The following STAB2 variants were observed in gnomAD, a reference collection of about 807,000 sequenced individuals.
The protein encoded by STAB2 is stabilin-2.
In STAB2, 288 loss-of-function variants were observed where a neutral mutation model predicts 338.1. The ratio of observed to expected loss-of-function variants is 0.85; its 90% CI spans 0.77 to 0.94. STAB2 has a LOEUF of 0.94. Ranked by LOEUF, STAB2 falls within the 40% of genes least tolerant of loss-of-function variation. The pLI is 0.00. For synonymous variants in STAB2, 1,202 were observed against 1,193.3 expected (o/e 1.01, Z -0.15); for missense variants, 3,141 against 3,210.1 (o/e 0.98, Z 0.52).
At position 103,689,494 on chromosome 12, in the gene STAB2, G is replaced by GA. The variant is rs11315983; in HGVS notation, c.3046-341dup. Among the ~76,000 whole-genome samples the GA allele has an allele frequency of 7.7e-3, 1,121 of 145,324 alleles. 9 individuals are homozygous for GA. Among genetic ancestry groups the GA allele is most frequent in the African/African-American group, 0.026 (1,030 of 39,038 alleles). Reference sequence around the variant, plus strand: ...TGAGACTCCATCTCAAAAAAAAAAAGAAAAAAAAAAATGAATGCTCAAGGT... The same window carrying GA: ...TGAGACTCCATCTCAAAAAAAAAAAGAAAAAAAAAAAATGAATGCTCAAGGT... On this transcript the variant is annotated intron_variant, in intron 28 of 68. Transcript: ENST00000388887.
chr12:103,658,485 T>A (rs572753356), intron 15 of STAB2, among the ~76,000 whole-genome samples: 1 of 152,292 alleles, frequency 6.6e-6, no homozygotes, highest in African/African-American at 2.4e-5. Context: ...TTCTGCTTCT[T>A]GTCAAAAGGA....
chr12:103,638,139 T>G lies in STAB2; in HGVS notation c.833T>G (p.Val278Gly). The change falls in exon 8 of 69, where the codon GTG becomes GGG. Residue 278 changes from valine to glycine, a missense_variant. By Grantham distance (109) the Val-to-Gly change is moderately radical. Coordinates refer to ENST00000388887, the MANE Select transcript of STAB2 (RefSeq NM_017564.10). ...GGGGATGGCCAAGTGTGCTTGCCTGTGGACCCCTGCCAAATTAACTTTGGA... is the reference window on the plus strand; with the variant it reads ...GGGGATGGCCAAGTGTGCTTGCCTGGGGACCCCTGCCAAATTAACTTTGGA... The part of the protein sequence containing the change: ...YRGDGQVCLP[V>G]DPCQINFGNC... The G allele has an allele frequency of 2.5e-6, 4 of 1,614,212 alleles. No individual in the cohort carries two copies. Among genetic ancestry groups the G allele is most frequent in the Non-Finnish European group, 3.4e-6 (4 of 1,180,030 alleles).
chr12:103,764,814 C>T (rs925997565), intron 68 of STAB2, among the ~76,000 whole-genome samples: 2 of 151,892 alleles, frequency 1.3e-5, no homozygotes, highest in Admixed American at 6.6e-5. Flanking sequence ...AGGGTAAGTT[C>T]GGGCCGGGTG....
At chr12:103,695,940 A>T in intron 33 of STAB2, 96 bp downstream of exon 33, 1 of 1,146,646 alleles carries the variant, frequency 8.7e-7, no homozygotes, top group Non-Finnish European at 1.3e-6. Context: ...TCACTCCTTC[A>T]TCCTTGTCCA....
At chr12:103,724,693 G>A (rs542328638) in intron 44 of STAB2, among the ~76,000 whole-genome samples, 2 of 152,160 alleles carry the variant, frequency 1.3e-5, no homozygotes. Flanking sequence ...ATACCTGGAT[G>A]CTGAGAAATT....
In STAB2 at chr12:103,742,086, T is replaced by C. The variant is rs746323258; in HGVS notation, c.5882-319T>C. ...GGTCAAGCAGACACTGTATCATCAT[T>C]ATTATCATCATCATTTAGATCTAAG... is the stretch of plus-strand genomic sequence containing the variant. On this transcript the variant is annotated intron_variant, in intron 55 of 68. Transcript: ENST00000388887. Among the ~76,000 whole-genome samples, 16 of 149,716 alleles carry C rather than the reference T, an allele frequency of 1.1e-4. 1 individual carries two copies. Among genetic ancestry groups the C allele is most frequent in the East Asian group, 1.9e-4 (1 of 5,200 alleles).
At chr12:103,633,155 G>C (rs831685) in intron 6 of STAB2, among the ~76,000 whole-genome samples, 1 of 152,114 alleles carries the variant, frequency 6.6e-6, no homozygotes, top group Non-Finnish European at 1.5e-5. Context: ...ACTCCTGCCA[G>C]TGTGCAGTGG....
At chr12:103,713,443 C>T (rs1880043146) in intron 41 of STAB2, among the ~76,000 whole-genome samples, 200 bp from the exon 42 acceptor site, 2 of 152,162 alleles carry the variant, frequency 1.3e-5, no homozygotes, top group African/African-American at 4.8e-5. Flanking sequence ...AGGATGTGTA[C>T]AGAATGCTAA....
At chr12:103,679,049 C>T (rs771800204) in intron 25 of STAB2, among the ~76,000 whole-genome samples, 4 of 152,116 alleles carry the variant, frequency 2.6e-5, no homozygotes, top group African/African-American at 4.8e-5. Flanking sequence ...GTACAGAACT[C>T]TTTCCAAAGA....
chr12:103,636,446 A>G (rs964566625), intron 6 of STAB2, among the ~76,000 whole-genome samples: 1 of 151,480 alleles, frequency 6.6e-6, no homozygotes, highest in Non-Finnish European at 1.5e-5. Context: ...CCTAAATAAT[A>G]CATTGCCCAT....
In STAB2 at chr12:103,596,745, C is replaced by A. The variant is rs117262742; in HGVS notation, c.331+2235C>A. The stretch of plus-strand genomic sequence containing the variant: ...AGATCTTTTAGCAGGTTTATGCCAT[C>A]ACACTGTGCTATGTGCAGACCAATG... On this transcript the variant is annotated intron_variant, in intron 3 of 68. Transcript: ENST00000388887. Among the ~76,000 whole-genome samples the A allele has an allele frequency of 5.3e-3, 812 of 152,144 alleles. 2 individuals are homozygous for A. Among genetic ancestry groups the A allele is most frequent in the Middle Eastern group, 0.01 (3 of 294 alleles).
intron 12 of STAB2, among the ~76,000 whole-genome samples, chr12:103,653,480 G>C (rs1022436497): frequency 2.0e-5 from 3 of 152,210 alleles, no homozygotes; most frequent in African/African-American, 7.2e-5. Flanking sequence ...TGGCTCCAAA[G>C]TCCACATTCT....
chr12:103,711,281 G>T, intron 39 of STAB2, 190 bp from the exon 40 acceptor site: 1 of 653,116 alleles, frequency 1.5e-6, no homozygotes, highest in Non-Finnish European at 2.6e-6. Flanking sequence ...CAATGTATTT[G>T]ACCTTCAGAT....
rs773259698 is a variant in STAB2 at position 103,704,600 on chromosome 12, G to T, written c.3886G>T (p.Gly1296Ter). Residue 1296 changes from glycine to a stop codon, truncating the protein, a stop_gained, in exon 36 of 69, where the codon GGA becomes TGA. Coordinates refer to ENST00000388887, the MANE Select transcript of STAB2 (RefSeq NM_017564.10). LOFTEE classifies it high-confidence loss of function. ...TCSSELTCPF[G>*]TKSLGNEKRR... ...CTCCTCAGAGCTGACCTGCCCATTC[G>T]GAACTAAATCTCTAGTAAGTACTTT... 1 of 1,613,590 alleles carries T rather than the reference G, an allele frequency of 6.2e-7. No individual in the cohort carries two copies. The highest frequency in any genetic ancestry group is 1.1e-5 in the South Asian group (1 of 90,938).
rs4981039 is a variant in STAB2, at chr12:103,743,023, C to T, written c.6031+469C>T. ...GCTCAAGAGCCAGCAATTTTTTTTT[C>T]TTTTTTTTTTTTTTTTGAGACAGAG... is the stretch of plus-strand genomic sequence containing the variant. On this transcript the variant is annotated intron_variant, in intron 56 of 68. Transcript: ENST00000388887. Among the ~76,000 whole-genome samples the T allele has an allele frequency of 3.8e-3, 512 of 134,680 alleles. 1 individual carries two copies. The highest frequency in any genetic ancestry group is 8.5e-3 in the African/African-American group (305 of 35,964). 88.4% of individuals were successfully genotyped at this position (134,680 alleles called of 152,430 possible).
At chr12:103,650,730 T>C (rs754231106) in intron 11 of STAB2, 152 bp downstream of exon 11, 2 of 589,240 alleles carry the variant, frequency 3.4e-6, no homozygotes, top group Non-Finnish European at 5.9e-6. Context: ...TTTAGTGATA[T>C]ATAACATCCT....
intron 3 of STAB2, among the ~76,000 whole-genome samples, chr12:103,613,161 C>G (rs929189359): frequency 6.6e-6 from 1 of 152,208 alleles, no homozygotes; most frequent in Non-Finnish European, 1.5e-5. Context: ...GGCAGTCTGT[C>G]CGTTCTCAGA....
chr12:103,664,305 G>A lies in STAB2; in HGVS notation c.2022+1307G>A, dbSNP rs138101057. On this transcript the variant is annotated intron_variant, in intron 18 of 68. Transcript: ENST00000388887. ...ACTACAGGTGCCCTCCACCACGCCCGGCTAATTTTTTTGTATTTTTAGTAG... is the reference window on the plus strand; with the variant it reads ...ACTACAGGTGCCCTCCACCACGCCCAGCTAATTTTTTTGTATTTTTAGTAG... Among the ~76,000 whole-genome samples the A allele has an allele frequency of 1.7e-3, 253 of 152,088 alleles. 2 individuals are homozygous for A. The highest frequency in any genetic ancestry group is 8.3e-3 in the East Asian group (43 of 5,176).
At chr12:103,677,767 G>T (rs1876524462) in intron 25 of STAB2, among the ~76,000 whole-genome samples, 156 bp downstream of exon 25, 1 of 152,170 alleles carries the variant, frequency 6.6e-6, no homozygotes, top group African/African-American at 2.4e-5. Context: ...ACAAACCTAT[G>T]ATGTATTATT....
Sources: gnomAD v4.1 joint callset for allele counts (sites outside exome capture counted in the v4.1 genomes callset) on GRCh38, gnomAD v4.1.1 for gene constraint, MANE v1.5 for transcripts, NCBI Gene and HGNC (gene_info 2026-07-23, HGNC 2026-07-21) for gene names.